Variants in ABHD6 observed in about 807,000 individuals in gnomAD.
ABHD6 encodes the protein monoacylglycerol lipase ABHD6.
A neutral mutation model predicts 38.8 loss-of-function variants in ABHD6; 33 were observed. The ratio of observed to expected loss-of-function variants is 0.85; its 90% CI spans 0.64 to 1.14. The LOEUF is 1.14. ABHD6 is among the 50% of genes most tolerant of loss of function. The pLI, the probability that ABHD6 is intolerant of heterozygous loss-of-function variation, is 0.00. For synonymous variants in ABHD6, 147 were observed against 161.6 expected, an observed-to-expected ratio of 0.91 and a Z score of 0.69; for missense variants, 380 against 422.6, an observed-to-expected ratio of 0.90 and a Z score of 0.88.
chr3:58,254,470 A>G (rs2097431921), intron 2 of ABHD6, among the ~76,000 whole-genome samples: 1 of 152,212 alleles, frequency 6.6e-6, no homozygotes, highest in Non-Finnish European at 1.5e-5. Context: ...CTGGCACTTT[A>G]CAGAAAAAGT....
rs1271119667 is a variant in ABHD6, at chr3:58,256,054, TTCTC to T, written c.-25-502_-25-499del. ...TAGCATTTTACCATATTTGCTTTAT[TTCTC>T]TCTCTTTTCCTCCCACCAACACACA... On this transcript the variant is annotated intron_variant, in intron 2 of 9. Transcript: ENST00000478253. This position sits in a 1 kb window ranked among gnomAD's most constrained non-coding sequence, Gnocchi z 4.3. Among the ~76,000 whole-genome samples, 1 of 149,030 alleles carries T rather than the reference TTCTC, an allele frequency of 6.7e-6. No homozygotes were observed. The highest frequency in any genetic ancestry group is 1.5e-5 in the Non-Finnish European group (1 of 67,578).
intron 7 of ABHD6, 131 bp downstream of exon 7, chr3:58,274,946 A>G (rs1465403243): frequency 9.4e-6 from 11 of 1,170,920 alleles, no homozygotes; most frequent in Admixed American, 2.3e-5. Flanking sequence ...ATATTCAGCA[A>G]GTGTCTCTGC....
chr3:58,262,176 G>A (rs1164607598), intron 3 of ABHD6, among the ~76,000 whole-genome samples: 1 of 152,166 alleles, frequency 6.6e-6, no homozygotes, highest in Admixed American at 6.6e-5. Context: ...CTAGGGGACT[G>A]GGGGAAATGA....
Position 58,294,044 on chromosome 3 carries a change from G to C in ABHD6, c.*279G>C, listed in dbSNP as rs2176083. ...GAAGTCTTCAAGTTCATGTCACTGAGAAGCTTGTGCAAAGCAGCCACCTTG... is the reference window on the plus strand; with the variant it reads ...GAAGTCTTCAAGTTCATGTCACTGACAAGCTTGTGCAAAGCAGCCACCTTG... On this transcript the variant is annotated 3_prime_UTR_variant, in exon 10 of 10. Coordinates refer to ENST00000478253, the MANE Select transcript of ABHD6 (RefSeq NM_001320126.2). 0.77 allele frequency: 236,386 copies of C among 308,212 alleles called. 92,187 individuals are homozygous for C. The highest frequency in any genetic ancestry group is 1 in the East Asian group (17,111 of 17,132). The allele number at this position is 308,212 out of a possible 1,614,324, so 19.1% of individuals were successfully genotyped here.
At chr3:58,283,567 G>A (rs1420361964) in intron 7 of ABHD6, among the ~76,000 whole-genome samples, 1 of 152,210 alleles carries the variant, frequency 6.6e-6, no homozygotes, top group Non-Finnish European at 1.5e-5. Flanking sequence ...GATGGACAAT[G>A]GATGGGTGGG....
intron 7 of ABHD6, among the ~76,000 whole-genome samples, chr3:58,279,225 T>G (rs2097451073): frequency 2.6e-5 from 4 of 152,202 alleles, no homozygotes; most frequent in African/African-American, 9.7e-5. Context: ...ATTATTATTG[T>G]GTGGGAGTCT....
At chr3:58,260,053 G>A (rs2097435942) in intron 3 of ABHD6, among the ~76,000 whole-genome samples, 1 of 152,202 alleles carries the variant, frequency 6.6e-6, no homozygotes, top group Non-Finnish European at 1.5e-5. Context: ...ATATTCCATT[G>A]TGTATATATA....
intron 1 of ABHD6, among the ~76,000 whole-genome samples, chr3:58,244,085 A>G (rs532385332): frequency 6.6e-6 from 1 of 152,352 alleles, no homozygotes; most frequent in South Asian, 2.1e-4. Context: ...AGGAGCATCC[A>G]TATTTTGGCT....
intron 9 of ABHD6, among the ~76,000 whole-genome samples, chr3:58,288,893 T>C (rs1165708176): frequency 6.6e-6 from 1 of 152,268 alleles, no homozygotes; most frequent in Non-Finnish European, 1.5e-5. Flanking sequence ...ATGTTTTTTT[T>C]AACATACTGC....
rs1259102057 is a variant in ABHD6 at position 58,294,645 on chromosome 3, G to A, written c.*880G>A. 4 of 152,554 alleles carry A rather than the reference G, an allele frequency of 2.6e-5. No homozygotes were observed. The highest frequency in any genetic ancestry group is 2.1e-4 in the South Asian group (1 of 4,832). The allele number at this position is 152,554 out of a possible 1,614,324, so 9.5% of individuals were successfully genotyped here. A position where few individuals can be genotyped will look rare whatever the true frequency, so the allele number is the denominator to read the frequency against. Reference sequence around the variant, plus strand: ...TTAGTTAATGAATTCTGTGAATTCTGTGAAGAGTAATGTGATTGAAAATAA... The same window carrying A: ...TTAGTTAATGAATTCTGTGAATTCTATGAAGAGTAATGTGATTGAAAATAA... On this transcript the variant is annotated 3_prime_UTR_variant, in exon 10 of 10. Coordinates refer to ENST00000478253, the MANE Select transcript of ABHD6 (RefSeq NM_001320126.2).
chr3:58,269,411 G>C lies in ABHD6; in HGVS notation c.367G>C (p.Gly123Arg). Residue 123 changes from glycine to arginine, a missense_variant, in exon 5 of 10, where the codon GGG (glycine) becomes CGG (arginine). Transcript: ENST00000478253. This position sits in a 1 kb window ranked among gnomAD's most constrained non-coding sequence, Gnocchi z 4.4. ...CTCCCTGGATGACCTGTCCATAGAT[G>C]GGCAAGTTAAGAGGATACACCAGGT... is the stretch of plus-strand genomic sequence containing the variant. Reference protein sequence around the residue: ...RSSLDDLSIDGQVKRIHQFVE... With the variant: ...RSSLDDLSIDRQVKRIHQFVE... 6.2e-7 allele frequency: 1 copy of C among 1,613,714 alleles called. No homozygotes were observed. The highest frequency in any genetic ancestry group is 8.5e-7 in the Non-Finnish European group (1 of 1,179,776).
At chr3:58,278,064 C>A (rs1389875683) in intron 7 of ABHD6, among the ~76,000 whole-genome samples, 2 of 152,130 alleles carry the variant, frequency 1.3e-5, no homozygotes, top group African/African-American at 2.4e-5. Context: ...GTCTAAAATT[C>A]TCTTTTTTTG....
Position 58,285,418 on chromosome 3 carries a change from G to T in ABHD6, c.802G>T (p.Val268Phe). Reference protein sequence around the residue: ...SLHQNMDKIKVPTQIIWGKQD... With the variant: ...SLHQNMDKIKFPTQIIWGKQD... ...CCATCAGAACATGGACAAGATCAAGGTTCCGACGCAGATCATCTGGGGGAA... is the reference window on the plus strand; with the variant it reads ...CCATCAGAACATGGACAAGATCAAGTTTCCGACGCAGATCATCTGGGGGAA... Residue 268 changes from valine (V) to phenylalanine (F), a missense_variant, in exon 9 of 10, where the codon GTT becomes TTT. By Grantham distance (50) the Val-to-Phe change is conservative (BLOSUM62 -1). Transcript: ENST00000478253. The surrounding 1 kb of genome is among the most constrained non-coding windows in gnomAD (Gnocchi z 4.9). The T allele has an allele frequency of 6.2e-7, 1 of 1,614,142 alleles. No individual in the cohort carries two copies. The highest frequency in any genetic ancestry group is 8.5e-7 in the Non-Finnish European group (1 of 1,179,978).
chr3:58,255,852 C>T (rs2097432863), intron 2 of ABHD6, among the ~76,000 whole-genome samples: 1 of 151,674 alleles, frequency 6.6e-6, no homozygotes, highest in African/African-American at 2.4e-5. Context: ...ATCATGTTGG[C>T]TAGGCTAGTC....
chr3:58,288,937 T>C (rs2097459461), intron 9 of ABHD6, among the ~76,000 whole-genome samples: 1 of 152,270 alleles, frequency 6.6e-6, no homozygotes, highest in African/African-American at 2.4e-5. Flanking sequence ...ATGAGTTTTT[T>C]GGCACTTAAA....
intron 6 of ABHD6, 71 bp downstream of exon 6, chr3:58,271,135 A>G: frequency 1.3e-6 from 2 of 1,487,010 alleles, no homozygotes; most frequent in Non-Finnish European, 1.8e-6. Context: ...AGTGTCTGCT[A>G]TGACCGTTTT....
intron 9 of ABHD6, among the ~76,000 whole-genome samples, chr3:58,289,217 G>A (rs1223353080): frequency 1.7e-5 from 2 of 121,144 alleles, no homozygotes; most frequent in African/African-American, 3.4e-5. Context: ...ACCACACCCG[G>A]GTAATTTTTT....
At chr3:58,289,221 A>ATTTTTTATT (rs1559785279) in intron 9 of ABHD6, among the ~76,000 whole-genome samples, 3 of 55,832 alleles carry the variant, frequency 5.4e-5, no homozygotes, top group Admixed American at 3.3e-4. Context: ...CACCCGGGTA[A>ATTTTTTATT]TTTTTTATTT....
At chr3:58,291,482 C>T (rs773932159) in intron 9 of ABHD6, among the ~76,000 whole-genome samples, 21 of 152,128 alleles carry the variant, frequency 1.4e-4, no homozygotes, top group Non-Finnish European at 2.5e-4. Flanking sequence ...TGGTCTCGAA[C>T]TCCTGGGTTC....
Sources: allele counts gnomAD v4.1 joint callset (sites outside exome capture counted in the v4.1 genomes callset), GRCh38; gene constraint gnomAD v4.1.1; non-coding constraint Gnocchi (gnomAD v3.1); transcripts MANE v1.5; gene names NCBI Gene and HGNC (gene_info 2026-07-23, HGNC 2026-07-21).